ZNF420: variants seen among roughly 807,000 people sequenced by gnomAD.
ZNF420 encodes the protein zinc finger protein 420.
Under a neutral mutation model 44.7 loss-of-function variants are expected in ZNF420, and 31 were observed. The observed-to-expected ratio is 0.69, with a 90% CI of 0.52 to 0.94. ZNF420 has a LOEUF of 0.94. Among genes scored for constraint, ZNF420 ranks in the 40% least tolerant of loss-of-function variants. The pLI is 0.00. For synonymous variants in ZNF420, 245 were observed against 267.4 expected, an observed-to-expected ratio of 0.92 and a Z score of 0.82; for missense variants, 681 against 827.9, an observed-to-expected ratio of 0.82 and a Z score of 2.18.
rs528055939 is a variant in ZNF420, at chr19:37,096,461, G to C, written c.136+5340G>C. 5.3e-5 allele frequency among the ~76,000 whole-genome samples: 8 copies of C among 152,210 alleles called. No individual in the cohort carries two copies. The South Asian group carries it at 1.5e-3, about 28-fold the overall frequency. Reference sequence around the variant, plus strand: ...AAGTCCCTTGTCATTTTCCTTTAAGGTTTGCTGGATTTGTTTTTCTTTCTC... The same window carrying C: ...AAGTCCCTTGTCATTTTCCTTTAAGCTTTGCTGGATTTGTTTTTCTTTCTC... On this transcript the variant is annotated intron_variant, in intron 4 of 4. Transcript: ENST00000337995.
chr19:37,055,708 G>A (rs565133297), intron 1 of ZNF420, among the ~76,000 whole-genome samples: 3 of 152,344 alleles, frequency 2.0e-5, no homozygotes, highest in South Asian at 2.1e-4. Flanking sequence ...GGAGCCGTCC[G>A]TGGCAGTGCG....
chr19:37,018,607 G>A lies in ZNF420; in HGVS notation c.-125+10525G>A, dbSNP rs148563792. 5.3e-5 allele frequency among the ~76,000 whole-genome samples: 8 copies of A among 152,206 alleles called. No homozygotes were observed. In the East Asian group the frequency reaches 5.8e-4, roughly 11 times the overall value. On this transcript the variant is annotated intron_variant, in intron 1 of 4. Transcript: ENST00000587029. ...GTTTTTTTGAGACAGAATCTGTGTCGCCCAGGCTAGAGTGCAGTGGCATGA... is the reference window on the plus strand; with the variant it reads ...GTTTTTTTGAGACAGAATCTGTGTCACCCAGGCTAGAGTGCAGTGGCATGA...
intron 3 of ZNF420, 131 bp from the exon 4 acceptor site, chr19:37,090,864 G>A (rs1163307423): frequency 2.1e-5 from 18 of 855,568 alleles, no homozygotes; most frequent in South Asian, 8.9e-5. Flanking sequence ...AGGTTGCAGC[G>A]TGCCGAGATC....
intron 1 of ZNF420, among the ~76,000 whole-genome samples, chr19:37,053,320 C>T (rs1364650572): frequency 1.3e-5 from 2 of 152,176 alleles, no homozygotes; most frequent in East Asian, 3.9e-4. Context: ...CCTCCTTTAG[C>T]TCAGAGTAGT....
chr19:37,010,611 C>T (rs1453580812), intron 1 of ZNF420, among the ~76,000 whole-genome samples: 2 of 151,782 alleles, frequency 1.3e-5, no homozygotes, highest in African/African-American at 4.8e-5. Context: ...ATGAATGTGC[C>T]CTGTGCATCA....
At chr19:37,115,464 A>T (rs576799989) in intron 4 of ZNF420, among the ~76,000 whole-genome samples, 6 of 151,932 alleles carry the variant, frequency 3.9e-5, no homozygotes, top group African/African-American at 1.4e-4. Context: ...AAAACATGTG[A>T]ACAGAGGTCT....
At chr19:37,117,555 G>C (rs1442001025) in intron 4 of ZNF420, among the ~76,000 whole-genome samples, 2 of 152,152 alleles carry the variant, frequency 1.3e-5, no homozygotes, top group Non-Finnish European at 2.9e-5. Flanking sequence ...ACTCTAAAAA[G>C]CAGAGCACCT....
In ZNF420 at chr19:37,089,028, C is replaced by A; in HGVS notation, c.-80-11C>A. On this transcript the variant is annotated splice_polypyrimidine_tract_variant and intron_variant, in intron 2 of 4. Coordinates refer to ENST00000337995, the MANE Select transcript of ZNF420 (RefSeq NM_144689.5). Reference sequence around the variant, plus strand: ...ACACCTGGTCTCATGGTTCTGCTTTCTCCTCCGTAGCTCTGCATTCTCCAG... The same window carrying A: ...ACACCTGGTCTCATGGTTCTGCTTTATCCTCCGTAGCTCTGCATTCTCCAG... 1 of 1,151,490 alleles carries A rather than the reference C, an allele frequency of 8.7e-7. No homozygotes were observed. Among genetic ancestry groups the A allele is most frequent in the African/African-American group, 1.5e-5 (1 of 65,940 alleles). 71.3% of individuals were successfully genotyped at this position (1,151,490 alleles called of 1,614,324 possible).
At chr19:37,101,884 C>A (rs865858974) in intron 4 of ZNF420, among the ~76,000 whole-genome samples, 2 of 152,202 alleles carry the variant, frequency 1.3e-5, no homozygotes, top group Non-Finnish European at 1.5e-5. Context: ...ACTGGGCCCC[C>A]TCAGGATTTG....
Position 37,127,198 on chromosome 19 carries a change from A to G in ZNF420, c.207A>G (p.Gln69=), listed in dbSNP as rs1425816559. Residue 69 remains glutamine, a synonymous_variant, in exon 5 of 5, where the codon CAA becomes CAG. Coordinates refer to ENST00000337995, the MANE Select transcript of ZNF420 (RefSeq NM_144689.5). The part of the protein sequence containing the change: ...EKNTYETELS[Q]WEMSDRLENC... ...ACACTTATGAAACAGAATTATCCCA[A>G]TGGGAAATGAGTGACAGACTTGAAA... 3 of 1,597,496 alleles carry G rather than the reference A, an allele frequency of 1.9e-6. No individual in the cohort carries two copies. The highest frequency in any genetic ancestry group is 2.2e-5 in the East Asian group (1 of 44,706).
At chr19:37,034,992 C>T (rs1415717376) in intron 1 of ZNF420, among the ~76,000 whole-genome samples, 1 of 152,164 alleles carries the variant, frequency 6.6e-6, no homozygotes, top group Non-Finnish European at 1.5e-5. Context: ...GTGAGGAAGA[C>T]CCTCGCTTAC....
At chr19:37,063,720 C>T (rs1036237405) in intron 1 of ZNF420, among the ~76,000 whole-genome samples, 1 of 152,172 alleles carries the variant, frequency 6.6e-6, no homozygotes, top group African/African-American at 2.4e-5. Flanking sequence ...CAACATCCCT[C>T]AAAATGCTGC....
intron 1 of ZNF420, among the ~76,000 whole-genome samples, chr19:37,069,392 A>G (rs1968019978): frequency 6.6e-6 from 1 of 152,190 alleles, no homozygotes; most frequent in Non-Finnish European, 1.5e-5. Flanking sequence ...TTTAAAACTG[A>G]ATGATGAGAT....
At chr19:37,022,824 G>C (rs1038213852) in intron 1 of ZNF420, among the ~76,000 whole-genome samples, 1 of 152,098 alleles carries the variant, frequency 6.6e-6, no homozygotes, top group Non-Finnish European at 1.5e-5. Flanking sequence ...GGAGTTGAAC[G>C]CTGATGACGA....
At position 37,043,402 on chromosome 19, in the gene ZNF420, G is replaced by A. The variant is rs574716425; in HGVS notation, c.-125+35320G>A. On this transcript the variant is annotated intron_variant, in intron 1 of 4. Coordinates refer to the ZNF420 transcript ENST00000587029. ...CTCACTGGAGTCCTTCAACAACAAAGGCAAAAAGTATCCTCAACACATTTA... is the reference window on the plus strand; with the variant it reads ...CTCACTGGAGTCCTTCAACAACAAAAGCAAAAAGTATCCTCAACACATTTA... Among the ~76,000 whole-genome samples, 3 of 152,236 alleles carry A rather than the reference G, an allele frequency of 2.0e-5. No homozygotes were observed. In the South Asian group the frequency reaches 6.2e-4, roughly 32 times the overall value.
intron 4 of ZNF420, among the ~76,000 whole-genome samples, chr19:37,110,709 A>G (rs542180327): frequency 1.3e-5 from 2 of 152,294 alleles, no homozygotes; most frequent in South Asian, 2.1e-4. Context: ...AATGACTGCA[A>G]CCAACTCTGC....
chr19:37,043,668 T>C (rs1485647349), intron 1 of ZNF420, among the ~76,000 whole-genome samples: 1 of 152,198 alleles, frequency 6.6e-6, no homozygotes, highest in Non-Finnish European at 1.5e-5. Flanking sequence ...AGACAGGGTT[T>C]CACCATGTTG....
chr19:37,121,019 G>A, intron 4 of ZNF420, among the ~76,000 whole-genome samples: 1 of 151,780 alleles, frequency 6.6e-6, no homozygotes, highest in Non-Finnish European at 1.5e-5. Context: ...TGGGTTGGAA[G>A]AATCAATATC....
chr19:37,065,588 A>G (rs1052862162), intron 1 of ZNF420, among the ~76,000 whole-genome samples: 3 of 152,270 alleles, frequency 2.0e-5, no homozygotes, highest in African/African-American at 7.2e-5. Context: ...TTACAGATGC[A>G]AGAAACTGAA....
Sources: gnomAD v4.1 joint callset for allele counts (sites outside exome capture counted in the v4.1 genomes callset) on GRCh38, gnomAD v4.1.1 for gene constraint, MANE v1.5 for transcripts, NCBI Gene and HGNC (gene_info 2026-07-23, HGNC 2026-07-21) for gene names.